The following CELF2 variants were observed in gnomAD, a reference collection of about 807,000 sequenced individuals.
The protein encoded by CELF2 is CUGBP Elav-like family member 2, also known as CUG triplet repeat RNA-binding protein 2.
CELF2 carries 8 observed loss-of-function variants against 62.6 expected under a neutral mutation model. The observed-to-expected ratio is 0.13, with a 90% CI of 0.07 to 0.23. CELF2 has a LOEUF of 0.23. Ranked by LOEUF, CELF2 falls within the 10% of genes least tolerant of loss-of-function variation. The pLI is 1.00. For synonymous variants in CELF2, 258 were observed against 250.0 expected (o/e 1.03, Z -0.30); for missense variants, 333 against 671.0 (o/e 0.50, Z 5.56).
rs571505183 is a variant in CELF2 at position 11,232,756 on chromosome 10, T to G, written c.354+15249T>G. Among the ~76,000 whole-genome samples, 34 of 152,210 alleles carry G rather than the reference T, an allele frequency of 2.2e-4. No individual in the cohort carries two copies. The South Asian group carries it at 6.8e-3, about 31-fold the overall frequency. On this transcript the variant is annotated intron_variant, in intron 3 of 12. Coordinates refer to ENST00000633077, the MANE Select transcript of CELF2 (RefSeq NM_001326342.2). ...ATTCATGGATAGGAGATGGCCCACATTCATGGATAGGAGATAGCCCACATT... is the reference window on the plus strand; with the variant it reads ...ATTCATGGATAGGAGATGGCCCACAGTCATGGATAGGAGATAGCCCACATT...
intron 2 of CELF2, among the ~76,000 whole-genome samples, chr10:10,940,971 TG>T (rs1185337701): frequency 6.6e-6 from 1 of 152,206 alleles, no homozygotes; most frequent in Non-Finnish European, 1.5e-5. Context: ...CATCTAAGTA[TG>T]CCAACTGTGT....
At chr10:10,839,875 C>T (rs1414424330) in intron 1 of CELF2, among the ~76,000 whole-genome samples, 2 of 152,192 alleles carry the variant, frequency 1.3e-5, no homozygotes, top group Non-Finnish European at 2.9e-5. Context: ...CCTATTCAAC[C>T]TCTTCACCCT....
At chr10:10,616,704 G>A in the CELF2 span, among the ~76,000 whole-genome samples, 1 of 125,362 alleles carries the variant, frequency 8.0e-6, no homozygotes. Context: ...GTGTGTGTGT[G>A]TGTGTGTGTG....
chr10:10,604,412 C>G, the CELF2 span, among the ~76,000 whole-genome samples: 2 of 152,152 alleles, frequency 1.3e-5, no homozygotes, highest in East Asian at 3.9e-4. Context: ...GGTTTTATCT[C>G]CTGGAGAAAG....
intron 1 of CELF2, among the ~76,000 whole-genome samples, chr10:11,066,240 T>G (rs1237060752): frequency 2.0e-5 from 3 of 151,648 alleles, no homozygotes; most frequent in Non-Finnish European, 2.9e-5. Flanking sequence ...ATAACTACTA[T>G]TTTTTTTTCT....
In CELF2 at chr10:11,207,371, C is replaced by T. The variant is rs1340087038; in HGVS notation, c.272-10054C>T. Among the ~76,000 whole-genome samples the T allele has an allele frequency of 6.6e-6, 1 of 152,216 alleles. No individual in the cohort carries two copies. Among genetic ancestry groups the T allele is most frequent in the African/African-American group, 2.4e-5 (1 of 41,452 alleles). ...AAGTCCCCAGGGCAACAGGAGGCTG[C>T]CAGGGGCCTGGATCTTGTGGCCAGT... On this transcript the variant is annotated intron_variant, in intron 2 of 12. Transcript: ENST00000633077. The surrounding 1 kb of genome is among the most constrained non-coding windows in gnomAD (Gnocchi z 4.1).
intron 1 of CELF2, among the ~76,000 whole-genome samples, chr10:11,007,465 C>A (rs1258547732): frequency 1.3e-5 from 2 of 152,008 alleles, no homozygotes; most frequent in South Asian, 4.1e-4. Flanking sequence ...AGAGATTTTT[C>A]TATGGACAGT....
At position 11,224,246 on chromosome 10, in the gene CELF2, T is replaced by C. The variant is rs777603862; in HGVS notation, c.354+6739T>C. Among the ~76,000 whole-genome samples the C allele has an allele frequency of 1.3e-5, 2 of 152,164 alleles. No individual in the cohort carries two copies. The highest frequency in any genetic ancestry group is 2.9e-5 in the Non-Finnish European group (2 of 68,024). On this transcript the variant is annotated intron_variant, in intron 3 of 12. Coordinates refer to ENST00000633077, the MANE Select transcript of CELF2 (RefSeq NM_001326342.2). The surrounding 1 kb of genome is among the most constrained non-coding windows in gnomAD (Gnocchi z 4.5). ...CTATATCCCTAATTAATAGGACTGT[T>C]GCCAGGGCTTGTGTGAGAAAGTATG... is the stretch of plus-strand genomic sequence containing the variant.
the CELF2 span, among the ~76,000 whole-genome samples, chr10:10,546,600 G>T: frequency 6.6e-6 from 1 of 152,144 alleles, no homozygotes; most frequent in African/African-American, 2.4e-5. Context: ...AGGGTAGTGG[G>T]CCAGCTCATT....
intron 5 of CELF2, among the ~76,000 whole-genome samples, chr10:11,264,684 G>A (rs1358261804): frequency 6.6e-6 from 1 of 152,230 alleles, no homozygotes; most frequent in Non-Finnish European, 1.5e-5. Context: ...CTCAGCATCA[G>A]TATGGAAGCC....
chr10:10,811,800 G>A (rs1361447310), intron 1 of CELF2, among the ~76,000 whole-genome samples: 2 of 152,138 alleles, frequency 1.3e-5, no homozygotes, highest in Non-Finnish European at 2.9e-5. Flanking sequence ...GTGTCATGGG[G>A]GACTGATGAA....
chr10:11,309,007 A>T lies in CELF2; in HGVS notation c.977-5132A>T, dbSNP rs1041793553. On this transcript the variant is annotated intron_variant, in intron 9 of 12. Coordinates refer to ENST00000633077, the MANE Select transcript of CELF2 (RefSeq NM_001326342.2). The surrounding 1 kb of genome is among the most constrained non-coding windows in gnomAD (Gnocchi z 5.6). ...TTCAGCCTTTTTATTGGCATTCTTT[A>T]TTTGATGAAACATTGTAATTACACT... is the stretch of plus-strand genomic sequence containing the variant. Among the ~76,000 whole-genome samples, 1 of 152,186 alleles carries T rather than the reference A, an allele frequency of 6.6e-6. No homozygotes were observed. The highest frequency in any genetic ancestry group is 2.1e-4 in the South Asian group (1 of 4,832).
chr10:10,616,137 A>C, the CELF2 span, among the ~76,000 whole-genome samples: 16 of 152,152 alleles, frequency 1.1e-4, no homozygotes, highest in African/African-American at 3.9e-4. Context: ...CCAGAGGCTG[A>C]CAGGAACCTA....
At chr10:10,834,968 C>G (rs1008815499) in intron 1 of CELF2, among the ~76,000 whole-genome samples, 1 of 152,120 alleles carries the variant, frequency 6.6e-6, no homozygotes, top group African/African-American at 2.4e-5. Flanking sequence ...AAAGCAGTAA[C>G]AAAATTCTGT....
the CELF2 span, among the ~76,000 whole-genome samples, chr10:10,540,314 T>C: frequency 6.6e-6 from 1 of 152,152 alleles, no homozygotes; most frequent in Non-Finnish European, 1.5e-5. Flanking sequence ...GCTCCCTGGC[T>C]CCTAGCACCC....
the CELF2 span, among the ~76,000 whole-genome samples, chr10:10,701,010 G>C: frequency 1.3e-5 from 2 of 152,182 alleles, no homozygotes; most frequent in African/African-American, 4.8e-5. Context: ...ACCCAACCTT[G>C]ATGTCTCTCT....
chr10:11,197,053 G>GAAAGAAAGAAAGAAAGAAAGA (rs1565233139), intron 2 of CELF2, among the ~76,000 whole-genome samples: 1 of 57,168 alleles, frequency 1.7e-5, no homozygotes, highest in South Asian at 4.3e-4. Flanking sequence ...AAGAAAGAAA[G>GAAAGAAAGAAAGAAAGAAAGA]AAAGAAAAGA....
At chr10:11,004,498 G>A (rs1053217054), upstream of CELF2, among the ~76,000 whole-genome samples, 1 of 151,982 alleles carries the variant, frequency 6.6e-6, no homozygotes, top group African/African-American at 2.4e-5. The surrounding 1 kb of genome is among the most constrained non-coding windows in gnomAD (Gnocchi z 5.0). Flanking sequence ...CCAATAAACA[G>A]AAGTACAATG....
chr10:11,137,631 T>C (rs1196230507), intron 1 of CELF2, among the ~76,000 whole-genome samples: 1 of 152,222 alleles, frequency 6.6e-6, no homozygotes, highest in African/African-American at 2.4e-5. Context: ...CATTAAGCAC[T>C]CCATTATTGA....
Sources: gnomAD v4.1 joint callset for allele counts (sites outside exome capture counted in the v4.1 genomes callset) on GRCh38, gnomAD v4.1.1 for gene constraint, Gnocchi (gnomAD v3.1) non-coding constraint, MANE v1.5 for transcripts, NCBI Gene and HGNC (gene_info 2026-07-23, HGNC 2026-07-21) for gene names.